Variants in PAX3 observed in about 807,000 individuals in gnomAD.
The protein encoded by PAX3 is paired box protein Pax-3.
A neutral mutation model predicts 51.6 loss-of-function variants in PAX3; 14 were observed. That is an observed-to-expected ratio of 0.27 (90% CI 0.18 to 0.42). PAX3 has a LOEUF of 0.42. Ranked by LOEUF, PAX3 falls within the 10% of genes least tolerant of loss-of-function variation. The pLI, the probability that PAX3 is intolerant of heterozygous loss-of-function variation, is 1.00. For synonymous variants in PAX3, 280 were observed against 253.4 expected, an observed-to-expected ratio of 1.11 and a Z score of -1.00; for missense variants, 540 against 642.8, an observed-to-expected ratio of 0.84 and a Z score of 1.73.
intron 4 of PAX3, among the ~76,000 whole-genome samples, chr2:222,267,626 G>A (rs1252121041): frequency 1.3e-5 from 2 of 151,960 alleles, no homozygotes; most frequent in Non-Finnish European, 2.9e-5. Flanking sequence ...GACATTTTGT[G>A]GTATTTTTTC....
intron 7 of PAX3, among the ~76,000 whole-genome samples, chr2:222,202,758 A>G (rs1691350395): frequency 6.6e-6 from 1 of 150,960 alleles, no homozygotes; most frequent in Non-Finnish European, 1.5e-5. Context: ...ATTCTTTGAT[A>G]ATTAGAAATA....
At chr2:222,245,838 G>A (rs1029683521) in intron 4 of PAX3, among the ~76,000 whole-genome samples, 5 of 148,486 alleles carry the variant, frequency 3.4e-5, no homozygotes, top group African/African-American at 7.4e-5. Flanking sequence ...AAAATTAGCC[G>A]GGTGTAGTGG....
chr2:222,290,675 C>G (rs879562797), intron 4 of PAX3, among the ~76,000 whole-genome samples: 1 of 152,126 alleles, frequency 6.6e-6, no homozygotes, highest in East Asian at 1.9e-4. Context: ...AGTCGCGTGT[C>G]CATTTACAGT....
At chr2:222,267,033 T>C (rs1345329619) in intron 4 of PAX3, among the ~76,000 whole-genome samples, 2 of 152,184 alleles carry the variant, frequency 1.3e-5, no homozygotes, top group African/African-American at 4.8e-5. Flanking sequence ...CAGTTTTATC[T>C]TGATAAATTT....
intron 4 of PAX3, chr2:222,242,236 A>C (rs1362316643): frequency 2.0e-5 from 3 of 152,194 alleles, no homozygotes; most frequent in Non-Finnish European, 4.4e-5. Flanking sequence ...CTTACTTCTG[A>C]AATCATAGCT....
intron 7 of PAX3, among the ~76,000 whole-genome samples, chr2:222,207,505 A>G (rs968075056): frequency 6.6e-6 from 1 of 152,222 alleles, no homozygotes; most frequent in Non-Finnish European, 1.5e-5. Flanking sequence ...CCTACATTTT[A>G]CAAGTAGCTG....
Position 222,210,470 on chromosome 2 carries a change from C to T in PAX3, c.1174-8280G>A, listed in dbSNP as rs544623815. On this transcript the variant is annotated intron_variant, in intron 7 of 8. Coordinates refer to ENST00000392070, the MANE Select transcript of PAX3 (RefSeq NM_181458.4). ...GATGGACTGTATATTTTCAAAAATA[C>T]ATTCATTCATGTCAATATTATATTT... Among the ~76,000 whole-genome samples, 11 of 152,138 alleles carry T rather than the reference C, an allele frequency of 7.2e-5. No individual in the cohort carries two copies. The South Asian group carries it at 2.1e-3, about 29-fold the overall frequency.
chr2:222,291,295 C>A (rs1301915032), intron 4 of PAX3, among the ~76,000 whole-genome samples: 1 of 152,144 alleles, frequency 6.6e-6, no homozygotes, highest in East Asian at 1.9e-4. Context: ...GGATAGCGGG[C>A]GGGGTTCGTG....
chr2:222,231,835 TG>T (rs1692607573), intron 5 of PAX3, among the ~76,000 whole-genome samples: 1 of 152,228 alleles, frequency 6.6e-6, no homozygotes, highest in African/African-American at 2.4e-5. Context: ...CATATAGTGC[TG>T]GTGTACAATA....
At chr2:222,283,341 G>A (rs1342589662) in intron 4 of PAX3, among the ~76,000 whole-genome samples, 1 of 152,122 alleles carries the variant, frequency 6.6e-6, no homozygotes, top group African/African-American at 2.4e-5. Context: ...TTTTTAAAAA[G>A]AGAGAGAAAT....
At chr2:222,208,515 C>CA (rs1003794891) in intron 7 of PAX3, among the ~76,000 whole-genome samples, 4 of 152,124 alleles carry the variant, frequency 2.6e-5, no homozygotes, top group Non-Finnish European at 5.9e-5. Context: ...GGCAATGTTC[C>CA]ATTCTAATGT....
At chr2:222,292,420 T>C (rs981921645) in intron 4 of PAX3, among the ~76,000 whole-genome samples, 5 of 152,182 alleles carry the variant, frequency 3.3e-5, no homozygotes, top group African/African-American at 1.2e-4. Context: ...CAAGTGTAGA[T>C]TGTGTAGAGA....
At chr2:222,257,338 A>G (rs1693684263) in intron 4 of PAX3, among the ~76,000 whole-genome samples, 1 of 152,174 alleles carries the variant, frequency 6.6e-6, no homozygotes, top group African/African-American at 2.4e-5. Context: ...TCATAGAGCC[A>G]AATATGAAGG....
At chr2:222,201,701 A>G (rs1691298718) in intron 8 of PAX3, 1 of 1,453,192 alleles carries the variant, frequency 6.9e-7, no homozygotes, top group Non-Finnish European at 9.0e-7. Flanking sequence ...CTTGTGTTTT[A>G]CCTAGTGGCA....
At chr2:222,253,739 C>T (rs1471215963) in intron 4 of PAX3, among the ~76,000 whole-genome samples, 1 of 151,900 alleles carries the variant, frequency 6.6e-6, no homozygotes, top group Non-Finnish European at 1.5e-5. Context: ...CAGCCTCAAA[C>T]TTCTAGGCTC....
chr2:222,264,054 T>C (rs1178206688), intron 4 of PAX3: 2 of 152,188 alleles, frequency 1.3e-5, no homozygotes, highest in Non-Finnish European at 2.9e-5. Context: ...GTGATGATGA[T>C]TGCATAAATT....
intron 4 of PAX3, among the ~76,000 whole-genome samples, chr2:222,279,600 G>C (rs1391078989): frequency 6.6e-6 from 1 of 152,174 alleles, no homozygotes; most frequent in African/African-American, 2.4e-5. Flanking sequence ...CTGAGTGACA[G>C]TTCTTTTTAT....
At chr2:222,237,492 G>A (rs1362963036) in intron 4 of PAX3, among the ~76,000 whole-genome samples, 1 of 152,078 alleles carries the variant, frequency 6.6e-6, no homozygotes, top group Non-Finnish European at 1.5e-5. Context: ...GAAATCTACA[G>A]AACTACTAGA....
chr2:222,212,347 G>T (rs543387471), intron 7 of PAX3, among the ~76,000 whole-genome samples: 1 of 151,968 alleles, frequency 6.6e-6, no homozygotes, highest in Non-Finnish European at 1.5e-5. Flanking sequence ...AGTGCTAAAG[G>T]TTACCCGAAC....
Sources: allele counts gnomAD v4.1 joint callset (sites outside exome capture counted in the v4.1 genomes callset), GRCh38; gene constraint gnomAD v4.1.1; transcripts MANE v1.5; gene names NCBI Gene and HGNC (gene_info 2026-07-23, HGNC 2026-07-21).